The following DHPS variants were observed in gnomAD, a reference collection of about 807,000 sequenced individuals.
DHPS encodes the protein migration-inducing gene 13.
In DHPS, 24 loss-of-function variants were observed where a neutral mutation model predicts 38.7. The ratio of observed to expected loss-of-function variants is 0.62; its 90% confidence interval spans 0.45 to 0.87. DHPS has a LOEUF of 0.87. DHPS is among the 40% of genes least tolerant of loss of function. DHPS has a pLI of 0.00. For missense variants in DHPS, 510 were observed against 497.6 expected (o/e 1.02, Z -0.24); for synonymous variants, 250 against 204.4 (o/e 1.22, Z -1.90).
intron 1 of DHPS, chr19:12,681,198 A>C: frequency 1.6e-6 from 2 of 1,225,252 alleles, no homozygotes; most frequent in East Asian, 6.0e-5. Flanking sequence ...CGCTGGGAAA[A>C]GCAAATCTAA....
Position 12,681,817 on chromosome 19 carries a change from G to A in DHPS, c.-51C>T, listed in dbSNP as rs776164353. 9 of 1,553,368 alleles carry A rather than the reference G, an allele frequency of 5.8e-6. No homozygotes were observed. The highest frequency in any genetic ancestry group is 5.2e-5 in the Admixed American group (3 of 57,450). ...AAGCTGCCCCTAGGCCGGGCTTACGGCGGCCCAGAAACGCGTTAAACCCCG... is the reference window on the plus strand; with the variant it reads ...AAGCTGCCCCTAGGCCGGGCTTACGACGGCCCAGAAACGCGTTAAACCCCG... On this transcript the variant is annotated 5_prime_UTR_variant, in exon 1 of 9. Transcript: ENST00000210060.
chr19:12,680,122 G>C, intron 2 of DHPS, 39 bp downstream of exon 2: 1 of 1,609,572 alleles, frequency 6.2e-7, no homozygotes, highest in Non-Finnish European at 8.5e-7. Flanking sequence ...ATTGCCCATT[G>C]ACCCAGAGGC....
intron 7 of DHPS, 142 bp from the exon 8 acceptor site, chr19:12,676,284 CCCATGTCAATGTCTGGGGTCACTAGAG>C: frequency 9.2e-7 from 1 of 1,085,116 alleles, no homozygotes; most frequent in East Asian, 2.7e-5. Context: ...CCAGACAGGG[CCCATGTCAATGTCTGGGGTCACTAGAG>C]CTGCTGGGCA....
intron 2 of DHPS, 79 bp downstream of exon 2, chr19:12,680,082 G>A: frequency 1.3e-6 from 2 of 1,582,858 alleles, no homozygotes; most frequent in Non-Finnish European, 1.7e-6. Context: ...ACCCCTATCT[G>A]CCCATCTCAC....
chr19:12,678,741 C>T (rs377644477), intron 5 of DHPS, among the ~76,000 whole-genome samples: 12 of 136,708 alleles, frequency 8.8e-5, no homozygotes, highest in Admixed American at 6.6e-4. Context: ...TACACTCCAG[C>T]CTGGGCGACA....
downstream of DHPS, chr19:12,675,452 G>A: frequency 6.4e-7 from 1 of 1,556,530 alleles, no homozygotes; most frequent in Non-Finnish European, 8.6e-7. Context: ...GAGATGGGGG[G>A]TGCCCAGGGA....
chr19:12,675,805 G>C lies in DHPS; in HGVS notation c.*33C>G, dbSNP rs779366175. On this transcript the variant is annotated 3_prime_UTR_variant, in exon 9 of 9. Transcript: ENST00000210060. ...TGGGTCTGCAAATTAATAAATAGAA[G>C]AGGGGGTAAGACCTTCCTGGGACCG... 1 of 1,570,932 alleles carries C rather than the reference G, an allele frequency of 6.4e-7. No individual in the cohort carries two copies. The highest frequency in any genetic ancestry group is 1.2e-5 in the South Asian group (1 of 85,910).
At chr19:12,680,878 G>C (rs181889920) in intron 1 of DHPS, among the ~76,000 whole-genome samples, 4 of 117,268 alleles carry the variant, frequency 3.4e-5, no homozygotes, top group African/African-American at 1.4e-4. Flanking sequence ...TCTGTCACCA[G>C]GCTGGAGTGC....
Sources: gnomAD v4.1 joint callset for allele counts (sites outside exome capture counted in the v4.1 genomes callset) on GRCh38, gnomAD v4.1.1 for gene constraint, MANE v1.5 for transcripts, NCBI Gene and HGNC (gene_info 2026-07-23, HGNC 2026-07-21) for gene names.